The following VAV2 variants were observed in gnomAD, a reference collection of about 807,000 sequenced individuals.
VAV2 encodes the protein guanine nucleotide exchange factor VAV2.
In VAV2, 67 loss-of-function variants were observed where a neutral mutation model predicts 132.5. The observed-to-expected ratio is 0.51, with a 90% CI of 0.42 to 0.62. The LOEUF (loss-of-function observed/expected upper bound fraction) is 0.62, where lower values mean the gene tolerates loss of function less well. VAV2 is among the 20% of genes least tolerant of loss of function. The pLI is 0.00. For missense variants in VAV2, 938 were observed against 1,153.6 expected (o/e 0.81, Z 2.71); for synonymous variants, 492 against 443.5 (o/e 1.11, Z -1.37).
At chr9:133,914,284 G>A (rs1190484204) in intron 2 of VAV2, among the ~76,000 whole-genome samples, 1 of 152,128 alleles carries the variant, frequency 6.6e-6, no homozygotes, top group Non-Finnish European at 1.5e-5. Flanking sequence ...CCAACAGGAT[G>A]GGAAGACAGG....
At chr9:133,811,969 G>A (rs2131702601) in intron 5 of VAV2, 145 bp downstream of exon 5, 4 of 759,662 alleles carry the variant, frequency 5.3e-6, no homozygotes, top group Non-Finnish European at 6.5e-6. Flanking sequence ...ACCAAGGGGT[G>A]CACCTCTGGA....
rs776747448 is a variant in VAV2 at position 133,854,315 on chromosome 9, ACCC to A, written c.380+7056_380+7058del. 3.9e-4 allele frequency among the ~76,000 whole-genome samples: 60 copies of A among 152,010 alleles called. 1 individual carries two copies. Among genetic ancestry groups the A allele is most frequent in the Admixed American group, 2.6e-3 (39 of 15,266 alleles). Reference sequence around the variant, plus strand: ...CACACCCATGTGCACCTGCACACACACCCCCATGTGCACATGTACATACACACA... The same window carrying A: ...CACACCCATGTGCACCTGCACACACACCATGTGCACATGTACATACACACA... On this transcript the variant is annotated intron_variant, in intron 3 of 29. Coordinates refer to ENST00000371850, the MANE Select transcript of VAV2 (RefSeq NM_001134398.2).
At chr9:133,939,240 G>A (rs765691240) in intron 1 of VAV2, 21 bp from the exon 2 acceptor site, 9 of 1,604,318 alleles carry the variant, frequency 5.6e-6, no homozygotes, top group African/African-American at 2.7e-5. Flanking sequence ...AAAACAAAGG[G>A]AGGGCAAGGA....
chr9:133,970,937 G>C lies in VAV2; in HGVS notation c.204+21138C>G, dbSNP rs866365842. 3.3e-5 allele frequency among the ~76,000 whole-genome samples: 5 copies of C among 152,314 alleles called. 1 individual carries two copies. Among genetic ancestry groups the C allele is most frequent in the South Asian group, 2.1e-4 (1 of 4,830 alleles). Reference sequence around the variant, plus strand: ...CAAAATACACCCAAAGAGATGACAGGCCAATTTCTCCCAAGGTTCATTTGC... The same window carrying C: ...CAAAATACACCCAAAGAGATGACAGCCCAATTTCTCCCAAGGTTCATTTGC... On this transcript the variant is annotated intron_variant, in intron 1 of 29. Coordinates refer to ENST00000371850, the MANE Select transcript of VAV2 (RefSeq NM_001134398.2).
chr9:133,818,123 G>A (rs985961419), intron 4 of VAV2, among the ~76,000 whole-genome samples: 1 of 152,266 alleles, frequency 6.6e-6, no homozygotes, highest in Non-Finnish European at 1.5e-5. Flanking sequence ...TCAGCACTTT[G>A]GGGGGCCGAG....
rs945077757 is a variant in VAV2 at position 133,780,487 on chromosome 9, G to A, written c.1740+207C>T. Among the ~76,000 whole-genome samples the A allele has an allele frequency of 3.9e-5, 6 of 152,182 alleles. No homozygotes were observed. The South Asian group carries it at 1.2e-3, about 31-fold the overall frequency. On this transcript the variant is annotated intron_variant, in intron 20 of 29. Coordinates refer to ENST00000371850, the MANE Select transcript of VAV2 (RefSeq NM_001134398.2). ...GCAAGGGAATGAGGCGGGCAGCTGG[G>A]ATCGGAAGACACCGCTGGGGCCCCT... is the stretch of plus-strand genomic sequence containing the variant.
intron 1 of VAV2, among the ~76,000 whole-genome samples, chr9:133,946,439 C>T (rs1841362351): frequency 6.6e-6 from 1 of 152,224 alleles, no homozygotes; most frequent in African/African-American, 2.4e-5. Context: ...ACTCTCTTTT[C>T]AAGCCTCTGG....
In VAV2 at chr9:133,777,500, G is replaced by A. The variant is rs370445397; in HGVS notation, c.1891-37C>T. The A allele has an allele frequency of 1.4e-5, 23 of 1,602,114 alleles. No homozygotes were observed. In the African/African-American group the frequency reaches 2.3e-4, roughly 16 times the overall value. ...AAGAGATGGTTAGGACAAGGGGGCC[G>A]AGCCTGGCCTATGGGAGTGTGGGGC... On this transcript the variant is annotated intron_variant, in intron 22 of 29. Transcript: ENST00000371850.
At chr9:133,901,677 C>A (rs918536412) in intron 2 of VAV2, among the ~76,000 whole-genome samples, 2 of 152,252 alleles carry the variant, frequency 1.3e-5, no homozygotes, top group Non-Finnish European at 2.9e-5. Flanking sequence ...CCTGGTGACT[C>A]TACCTAGGTC....
intron 2 of VAV2, among the ~76,000 whole-genome samples, chr9:133,888,436 T>C (rs953614552): frequency 2.0e-5 from 3 of 152,218 alleles, no homozygotes; most frequent in African/African-American, 7.2e-5. Flanking sequence ...CACCTGGATC[T>C]TCCAGGCCTC....
chr9:133,965,175 G>T (rs1842102744), intron 1 of VAV2, among the ~76,000 whole-genome samples: 1 of 151,932 alleles, frequency 6.6e-6, no homozygotes, highest in African/African-American at 2.4e-5. Flanking sequence ...CACCAACAAT[G>T]GACTAGCAGA....
Position 133,938,695 on chromosome 9 carries a change from C to T in VAV2, c.321+408G>A. 1.3e-5 allele frequency among the ~76,000 whole-genome samples: 2 copies of T among 152,134 alleles called. 1 individual carries two copies. Among genetic ancestry groups the T allele is most frequent in the Non-Finnish European group, 2.9e-5 (2 of 68,002 alleles). On this transcript the variant is annotated intron_variant, in intron 2 of 29. Transcript: ENST00000371850. ...AGTAGGCGCTTTCCCCTCCTCATCT[C>T]CCCAGCCCCTTAGGAGGTGGTACTA...
chr9:133,806,941 AGGGGT>A (rs1355345568), intron 8 of VAV2, among the ~76,000 whole-genome samples: 1 of 152,214 alleles, frequency 6.6e-6, no homozygotes, highest in Non-Finnish European at 1.5e-5. Context: ...GTCCGCTCAA[AGGGGT>A]GGAGGGACAC....
At chr9:133,971,207 G>GT (rs1473535960) in intron 1 of VAV2, among the ~76,000 whole-genome samples, 22 of 152,174 alleles carry the variant, frequency 1.4e-4, no homozygotes, top group African/African-American at 2.4e-5. Flanking sequence ...TGGAACAGTC[G>GT]TAACTGCTGC....
chr9:133,950,620 C>G (rs551354578), intron 1 of VAV2, among the ~76,000 whole-genome samples: 1 of 152,318 alleles, frequency 6.6e-6, no homozygotes, highest in African/African-American at 2.4e-5. Context: ...CTCTTTATAA[C>G]CATCTTCCCT....
In VAV2 at chr9:133,797,669, C is replaced by T. The variant is rs765745257; in HGVS notation, c.936+41G>A. 1.9e-6 allele frequency: 3 copies of T among 1,584,370 alleles called. 1 individual carries two copies. The South Asian group carries it at 3.4e-5, about 18-fold the overall frequency. Reference sequence around the variant, plus strand: ...ACGAGCTCTGGCCTGCAAGCTGCAACCTTGGAGCCAGGGCCAGGGCCAACG... The same window carrying T: ...ACGAGCTCTGGCCTGCAAGCTGCAATCTTGGAGCCAGGGCCAGGGCCAACG... On this transcript the variant is annotated intron_variant, in intron 10 of 29. Coordinates refer to ENST00000371850, the MANE Select transcript of VAV2 (RefSeq NM_001134398.2).
In VAV2 at chr9:133,768,322, AG is replaced by A. The variant is rs1833502769; in HGVS notation, c.2589+119del. Reference sequence around the variant, plus strand: ...CTGCTGTGAGGATGAGGGAGATTGCAGAGGGTGTCTGGAACAGGGCCTGGGG... The same window carrying A: ...CTGCTGTGAGGATGAGGGAGATTGCAAGGGTGTCTGGAACAGGGCCTGGGG... On this transcript the variant is annotated intron_variant, in intron 29 of 29. Transcript: ENST00000371850. This position sits in a 1 kb window ranked among gnomAD's most constrained non-coding sequence, Gnocchi z 5.3. 7.3e-7 allele frequency: 1 copy of A among 1,371,952 alleles called. No individual in the cohort carries two copies. The highest frequency in any genetic ancestry group is 1.5e-5 in the African/African-American group (1 of 68,740). 85.0% of individuals were successfully genotyped at this position (1,371,952 alleles called of 1,614,324 possible). A position where few individuals can be genotyped will look rare whatever the true frequency, so the allele number is the denominator to read the frequency against.
intron 1 of VAV2, among the ~76,000 whole-genome samples, chr9:133,948,625 A>G (rs554741867): frequency 2.7e-4 from 41 of 152,298 alleles, no homozygotes; most frequent in African/African-American, 9.4e-4. Context: ...AAGGGCTGCA[A>G]CAACAGCGTG....
Position 133,914,627 on chromosome 9 carries a change from G to A in VAV2, c.321+24476C>T, listed in dbSNP as rs1435436510. Among the ~76,000 whole-genome samples the A allele has an allele frequency of 6.2e-5, 5 of 80,558 alleles. No homozygotes were observed. In the East Asian group the frequency reaches 1.4e-3, roughly 23 times the overall value. The allele number at this position is 80,558 out of a possible 152,430, so 52.8% of individuals were successfully genotyped here. On this transcript the variant is annotated intron_variant, in intron 2 of 29. Transcript: ENST00000371850. ...TACCACCAGAGAGAGAGAGGAGGGG[G>A]AGAGGAGGGGAGGAAGCAGGAAGCA...
Sources: allele counts gnomAD v4.1 joint callset (sites outside exome capture counted in the v4.1 genomes callset), GRCh38; gene constraint gnomAD v4.1.1; non-coding constraint Gnocchi (gnomAD v3.1); transcripts MANE v1.5; gene names NCBI Gene and HGNC (gene_info 2026-07-23, HGNC 2026-07-21).